MTCL1: variants seen among roughly 807,000 people sequenced by gnomAD.
The protein encoded by MTCL1 is microtubule cross-linking factor 1.
MTCL1 carries 79 observed loss-of-function variants against 141.4 expected under a neutral mutation model. That is an observed-to-expected ratio of 0.56 (90% CI 0.47 to 0.67). The LOEUF (loss-of-function observed/expected upper bound fraction) is 0.67. MTCL1 is among the 30% of genes least tolerant of loss of function. The pLI is 0.00. For synonymous variants in MTCL1, 914 were observed against 875.8 expected, an observed-to-expected ratio of 1.04 and a Z score of -0.77; for missense variants, 2,177 against 2,113.9, an observed-to-expected ratio of 1.03 and a Z score of -0.59.
At chr18:8,718,571 G>A (rs1338496462) in exon 3 of MTCL1, 4 of 1,614,164 alleles carry the variant, frequency 2.5e-6, no homozygotes, top group African/African-American at 1.3e-5. Context: ...TCGGAAAGCC[G>A]AGCAGAAAAG....
intron 4 of MTCL1, among the ~76,000 whole-genome samples, chr18:8,727,293 C>A (rs1318519033): frequency 1.3e-5 from 2 of 152,010 alleles, no homozygotes; most frequent in Non-Finnish European, 2.9e-5. Flanking sequence ...AATATAATTT[C>A]TTTTGGGTAG....
rs935080623 is a variant in MTCL1, at chr18:8,708,988, A to C, written c.1053+2275A>C. Among the ~76,000 whole-genome samples the C allele has an allele frequency of 2.0e-4, 30 of 152,302 alleles. 1 individual carries two copies. The highest frequency in any genetic ancestry group is 1.9e-4 in the East Asian group (1 of 5,174). On this transcript the variant is annotated intron_variant, in intron 1 of 13. Coordinates refer to the MTCL1 transcript ENST00000306329. Reference sequence around the variant, plus strand: ...GCCACTCAGAAGCTTAAATGACAATAGTTCAATTCGGGAAGGAAACGCAGG... The same window carrying C: ...GCCACTCAGAAGCTTAAATGACAATCGTTCAATTCGGGAAGGAAACGCAGG...
chr18:8,731,126 T>C (rs1164565932), intron 4 of MTCL1, among the ~76,000 whole-genome samples: 5 of 151,936 alleles, frequency 3.3e-5, no homozygotes, highest in Non-Finnish European at 7.4e-5. Context: ...GCGCCTGTAG[T>C]CATAGCTACT....
chr18:8,754,441 G>A (rs1365312769), intron 4 of MTCL1, among the ~76,000 whole-genome samples: 1 of 152,186 alleles, frequency 6.6e-6, no homozygotes, highest in Non-Finnish European at 1.5e-5. Flanking sequence ...TCTACCAGGA[G>A]CTTTTGGGAA....
chr18:8,719,214 C>T (rs917557761), intron 3 of MTCL1, among the ~76,000 whole-genome samples: 11 of 152,164 alleles, frequency 7.2e-5, no homozygotes, highest in Non-Finnish European at 1.2e-4. Flanking sequence ...ATTTTCTCTC[C>T]GTGGGCAGCG....
intron 11 of MTCL1, 87 bp from the exon 11 acceptor site, chr18:8,812,892 A>G (rs945040871): frequency 3.3e-5 from 49 of 1,489,590 alleles, no homozygotes; most frequent in Non-Finnish European, 4.1e-5. Context: ...ACATGTTTCC[A>G]GGGATCACAT....
chr18:8,774,913 A>G (rs2096499754), intron 4 of MTCL1, among the ~76,000 whole-genome samples: 1 of 151,944 alleles, frequency 6.6e-6, no homozygotes, highest in African/African-American at 2.4e-5. Context: ...TGCTAGGAGG[A>G]TGGCAGGACT....
chr18:8,710,888 CT>C (rs71356255), intron 1 of MTCL1, among the ~76,000 whole-genome samples: 39 of 80,958 alleles, frequency 4.8e-4, no homozygotes, highest in Middle Eastern at 0.02. Context: ...TTTTTTTTTA[CT>C]TTTTTTTTTT....
intron 4 of MTCL1, among the ~76,000 whole-genome samples, chr18:8,733,083 C>T (rs980434247): frequency 3.9e-5 from 6 of 152,152 alleles, no homozygotes; most frequent in African/African-American, 1.4e-4. Flanking sequence ...CAGTTGTTTT[C>T]GCATCACACG....
At chr18:8,739,296 G>A (rs919118567) in intron 4 of MTCL1, among the ~76,000 whole-genome samples, 1 of 152,176 alleles carries the variant, frequency 6.6e-6, no homozygotes. Flanking sequence ...GCTCAGGGGT[G>A]AGGATACTAG....
chr18:8,803,726 A>T (rs769027952), intron 10 of MTCL1, among the ~76,000 whole-genome samples: 1 of 152,192 alleles, frequency 6.6e-6, no homozygotes, highest in Non-Finnish European at 1.5e-5. Flanking sequence ...CGCAATGATT[A>T]ATATTATCCT....
Position 8,823,800 on chromosome 18 carries a change from C to T in MTCL1, c.3189-899C>T, listed in dbSNP as rs538850263. Reference sequence around the variant, plus strand: ...GAGCTTTGCTGGTTCTGTGTACCAGCGCACACGGTACAGGGACTTGCTCAG... The same window carrying T: ...GAGCTTTGCTGGTTCTGTGTACCAGTGCACACGGTACAGGGACTTGCTCAG... On this transcript the variant is annotated intron_variant, in intron 14 of 16. Coordinates refer to ENST00000359865, the Ensembl canonical transcript of MTCL1. Among the ~76,000 whole-genome samples, 5 of 152,288 alleles carry T rather than the reference C, an allele frequency of 3.3e-5. No individual in the cohort carries two copies. The South Asian group carries it at 6.2e-4, about 19-fold the overall frequency.
At chr18:8,725,772 TTTTCTTTTTTTTTTTTTC>T (rs2096204286) in intron 4 of MTCL1, among the ~76,000 whole-genome samples, 1 of 101,600 alleles carries the variant, frequency 9.8e-6, no homozygotes, top group East Asian at 2.8e-4. Flanking sequence ...TTTGGTGCCA[TTTTCTTTTTTTTTTTTTC>T]TTTTTTTTTT....
At chr18:8,754,007 T>G (rs1416808019) in intron 4 of MTCL1, among the ~76,000 whole-genome samples, 1 of 152,260 alleles carries the variant, frequency 6.6e-6, no homozygotes, top group East Asian at 1.9e-4. Flanking sequence ...CTGAAAATTT[T>G]ATTGCTTTTC....
rs532650402 is a variant in MTCL1, at chr18:8,752,420, G to A, written c.358-25413G>A. Among the ~76,000 whole-genome samples the A allele has an allele frequency of 5.9e-5, 9 of 152,118 alleles. No homozygotes were observed. The South Asian group carries it at 1.9e-3, about 32-fold the overall frequency. ...AACTTTTAAATCGAATTTTTTTTGTGTTATTGCTTTCTTTAGCAACTGTGC... is the reference window on the plus strand; with the variant it reads ...AACTTTTAAATCGAATTTTTTTTGTATTATTGCTTTCTTTAGCAACTGTGC... On this transcript the variant is annotated intron_variant, in intron 4 of 16. Transcript: ENST00000359865.
intron 7 of MTCL1, among the ~76,000 whole-genome samples, chr18:8,792,272 A>G (rs112634635): frequency 2.0e-5 from 3 of 152,210 alleles, no homozygotes; most frequent in Admixed American, 2.0e-4. Context: ...AGCACATTTC[A>G]TGTGCCTGAC....
At chr18:8,710,411 T>C (rs555797839) in intron 1 of MTCL1, among the ~76,000 whole-genome samples, 1 of 151,998 alleles carries the variant, frequency 6.6e-6, no homozygotes. Flanking sequence ...AGGTGAGCAC[T>C]TCAGTTATCC....
chr18:8,714,641 C>G (rs2096115546), upstream of MTCL1, among the ~76,000 whole-genome samples: 1 of 152,124 alleles, frequency 6.6e-6, no homozygotes, highest in Admixed American at 6.5e-5. Flanking sequence ...GACTTACTCA[C>G]TGTCACGAGC....
chr18:8,770,945 T>C (rs987818555), intron 4 of MTCL1, among the ~76,000 whole-genome samples: 1 of 151,818 alleles, frequency 6.6e-6, no homozygotes, highest in African/African-American at 2.4e-5. Context: ...GGTGAAAACA[T>C]AAATAAATAA....
Sources: gnomAD v4.1 joint callset for allele counts (sites outside exome capture counted in the v4.1 genomes callset) on GRCh38, gnomAD v4.1.1 for gene constraint, MANE v1.5 for transcripts, NCBI Gene and HGNC (gene_info 2026-07-23, HGNC 2026-07-21) for gene names.